ARHGAP15: variants seen among roughly 807,000 people sequenced by gnomAD.
The protein encoded by ARHGAP15 is rho GTPase-activating protein 15.
Under a neutral mutation model 63.7 loss-of-function variants are expected in ARHGAP15, and 51 were observed. The observed-to-expected ratio is 0.80, with a 90% CI of 0.64 to 1.01. The LOEUF (loss-of-function observed/expected upper bound fraction) is 1.01, where lower values mean the gene tolerates loss of function less well. Among genes scored for constraint, ARHGAP15 ranks in the 50% least tolerant of loss-of-function variants. The pLI, the probability that ARHGAP15 is intolerant of heterozygous loss-of-function variation, is 0.00. For synonymous variants in ARHGAP15, 191 were observed against 193.8 expected (o/e 0.99, Z 0.12); for missense variants, 560 against 564.6 (o/e 0.99, Z 0.08).
intron 6 of ARHGAP15, among the ~76,000 whole-genome samples, chr2:143,297,544 G>A (rs1430680868): frequency 6.6e-6 from 1 of 151,888 alleles, no homozygotes; most frequent in Non-Finnish European, 1.5e-5. Context: ...TTAGTCTTTA[G>A]CAGCAAATCA....
At chr2:143,142,087 T>G (rs1464482937) in intron 1 of ARHGAP15, among the ~76,000 whole-genome samples, 1 of 151,080 alleles carries the variant, frequency 6.6e-6, no homozygotes, top group Admixed American at 6.6e-5. Flanking sequence ...TACTTTTCTG[T>G]TTTTTTTTAA....
At chr2:143,330,135 A>AAAAAAAAAC in intron 6 of ARHGAP15, among the ~76,000 whole-genome samples, 2 of 131,778 alleles carry the variant, frequency 1.5e-5, no homozygotes, top group Non-Finnish European at 3.3e-5. Flanking sequence ...AAAAAAACCA[A>AAAAAAAAAC]AAACAAAAAA....
At chr2:143,699,306 T>C (rs1214400974) in intron 12 of ARHGAP15, among the ~76,000 whole-genome samples, 1 of 152,176 alleles carries the variant, frequency 6.6e-6, no homozygotes, top group African/African-American at 2.4e-5. Flanking sequence ...GTTCTGATTA[T>C]GTTGTAAGAA....
chr2:143,581,395 A>G (rs145452840), intron 11 of ARHGAP15, among the ~76,000 whole-genome samples: 65 of 151,886 alleles, frequency 4.3e-4, no homozygotes, highest in Non-Finnish European at 8.1e-4. Flanking sequence ...CCATAGCCCC[A>G]CAGCCCCACA....
At chr2:143,353,985 T>C (rs1260718220) in intron 6 of ARHGAP15, among the ~76,000 whole-genome samples, 2 of 148,078 alleles carry the variant, frequency 1.4e-5, no homozygotes, top group Admixed American at 6.9e-5. Context: ...ATTTTACCTG[T>C]TCAGGTATTT....
At chr2:143,385,715 C>T (rs993218954) in intron 6 of ARHGAP15, among the ~76,000 whole-genome samples, 3 of 152,080 alleles carry the variant, frequency 2.0e-5, no homozygotes, top group African/African-American at 7.2e-5. Flanking sequence ...CTTTGAAGTA[C>T]CATATTGTTC....
At chr2:143,433,674 T>C (rs1486080720) in intron 6 of ARHGAP15, among the ~76,000 whole-genome samples, 1 of 152,146 alleles carries the variant, frequency 6.6e-6, no homozygotes, top group Non-Finnish European at 1.5e-5. Flanking sequence ...CTGAACTATG[T>C]TGGCTCTTTC....
chr2:143,156,211 T>C lies in ARHGAP15; in HGVS notation c.165+556T>C, dbSNP rs1333600705. Among the ~76,000 whole-genome samples, 6 of 152,008 alleles carry C rather than the reference T, an allele frequency of 3.9e-5. No homozygotes were observed. The South Asian group carries it at 8.3e-4, about 21-fold the overall frequency. ...TCTCGATAATGTGTCATTAGGAAGA[T>C]TTGAAATAAAATAGTTAGAGATGAA... On this transcript the variant is annotated intron_variant, in intron 2 of 13. Transcript: ENST00000295095.
chr2:143,368,924 T>C (rs16822399), intron 6 of ARHGAP15, among the ~76,000 whole-genome samples: 22,709 of 152,058 alleles, frequency 0.15, 1,929 homozygotes, highest in Non-Finnish European at 0.17. Context: ...TTATGACTTA[T>C]GATTAACAGT....
In ARHGAP15 at chr2:143,732,545, A is replaced by C. The variant is rs1007087371; in HGVS notation, c.1244+29021A>C. ...GACAGGGTAGAAGTAGGTAGCTCAC[A>C]ACCTCACATTTAATTTTAGCCAAGC... On this transcript the variant is annotated intron_variant, in intron 13 of 13. Transcript: ENST00000295095. Among the ~76,000 whole-genome samples, 20 of 152,168 alleles carry C rather than the reference A, an allele frequency of 1.3e-4. 1 individual carries two copies. Among genetic ancestry groups the C allele is most frequent in the African/African-American group, 3.9e-4 (16 of 41,456 alleles).
Position 143,262,850 on chromosome 2 carries a change from C to G in ARHGAP15, c.474+12250C>G, listed in dbSNP as rs116146105. 3.7e-3 allele frequency among the ~76,000 whole-genome samples: 565 copies of G among 152,134 alleles called. 5 individuals are homozygous for G. Among genetic ancestry groups the G allele is most frequent in the African/African-American group, 0.012 (492 of 41,500 alleles). Reference sequence around the variant, plus strand: ...ATCCCTGTTAGAAGCAGAACTCTCCCGTATCCCAAGAATAAGAATATCTAA... The same window carrying G: ...ATCCCTGTTAGAAGCAGAACTCTCCGGTATCCCAAGAATAAGAATATCTAA... On this transcript the variant is annotated intron_variant, in intron 6 of 13. Coordinates refer to ENST00000295095, the MANE Select transcript of ARHGAP15 (RefSeq NM_018460.4).
At chr2:143,675,505 C>A (rs1682780452) in intron 12 of ARHGAP15, among the ~76,000 whole-genome samples, 1 of 152,138 alleles carries the variant, frequency 6.6e-6, no homozygotes, top group Non-Finnish European at 1.5e-5. Context: ...AAATGTATTT[C>A]TTAAATAATC....
At chr2:143,398,691 C>T (rs1687871939) in intron 6 of ARHGAP15, among the ~76,000 whole-genome samples, 1 of 152,068 alleles carries the variant, frequency 6.6e-6, no homozygotes, top group African/African-American at 2.4e-5. Context: ...TAATGAGAAG[C>T]ATCCCTCTCA....
intron 1 of ARHGAP15, among the ~76,000 whole-genome samples, chr2:143,135,502 A>G (rs1364007603): frequency 6.6e-6 from 1 of 152,228 alleles, no homozygotes; most frequent in Non-Finnish European, 1.5e-5. Context: ...GGTAAGAGGT[A>G]CACAAAGATA....
Position 143,251,432 on chromosome 2 carries a change from T to C in ARHGAP15, c.474+832T>C, listed in dbSNP as rs139590790. ...TGAATAAAAGTCAATTCTTCTACTCTTAAATGCTTTGCTGAAATTAATATT... is the reference window on the plus strand; with the variant it reads ...TGAATAAAAGTCAATTCTTCTACTCCTAAATGCTTTGCTGAAATTAATATT... On this transcript the variant is annotated intron_variant, in intron 6 of 13. Coordinates refer to ENST00000295095, the MANE Select transcript of ARHGAP15 (RefSeq NM_018460.4). Among the ~76,000 whole-genome samples the C allele has an allele frequency of 9.2e-5, 14 of 152,154 alleles. No individual in the cohort carries two copies. In the East Asian group the frequency reaches 2.5e-3, roughly 27 times the overall value.
rs562007897 is a variant in ARHGAP15 at position 143,717,270 on chromosome 2, T to C, written c.1244+13746T>C. 1.3e-3 allele frequency among the ~76,000 whole-genome samples: 199 copies of C among 152,378 alleles called. 1 individual carries two copies. The highest frequency in any genetic ancestry group is 2.5e-3 in the Non-Finnish European group (170 of 68,030). On this transcript the variant is annotated intron_variant, in intron 13 of 13. Coordinates refer to ENST00000295095, the MANE Select transcript of ARHGAP15 (RefSeq NM_018460.4). ...GCAAGTTGTTTGGGGAGCATTGCTG[T>C]TGTCTCTCGGTCTGTCACGTGTATC...
chr2:143,318,054 A>G (rs988283129), intron 6 of ARHGAP15, among the ~76,000 whole-genome samples: 4 of 151,988 alleles, frequency 2.6e-5, no homozygotes, highest in Middle Eastern at 3.4e-3. Flanking sequence ...GCTGAAGTGC[A>G]GCGGTGTGAT....
rs571356317 is a variant in ARHGAP15, at chr2:143,391,169, G to A, written c.475-44432G>A. 2.0e-5 allele frequency among the ~76,000 whole-genome samples: 3 copies of A among 152,282 alleles called. No individual in the cohort carries two copies. In the South Asian group the frequency reaches 6.2e-4, roughly 32 times the overall value. On this transcript the variant is annotated intron_variant, in intron 6 of 13. Transcript: ENST00000295095. ...AATACCCTGCACAAAAGTTATTACA[G>A]GTCCAGGCCTTTTTGCTTTCAAAGC...
chr2:143,232,334 T>G (rs1693480100), intron 5 of ARHGAP15, among the ~76,000 whole-genome samples: 2 of 152,216 alleles, frequency 1.3e-5, no homozygotes, highest in Admixed American at 6.5e-5. Flanking sequence ...ACTGTCCCCC[T>G]TATTTGCCTA....
Sources: gnomAD v4.1 joint callset for allele counts (sites outside exome capture counted in the v4.1 genomes callset) on GRCh38, gnomAD v4.1.1 for gene constraint, MANE v1.5 for transcripts, NCBI Gene and HGNC (gene_info 2026-07-23, HGNC 2026-07-21) for gene names.